Variants in DLG2 observed in about 807,000 individuals in gnomAD.
DLG2 encodes discs large MAGUK scaffold protein 2, also known as disks large homolog 2.
Under a neutral mutation model 132.5 loss-of-function variants are expected in DLG2, and 45 were observed. That is an observed-to-expected ratio of 0.34 (90% CI 0.27 to 0.44). The LOEUF (loss-of-function observed/expected upper bound fraction) is 0.44. Among genes scored for constraint, DLG2 ranks in the 20% least tolerant of loss-of-function variants. DLG2 has a pLI of 1.00. For synonymous variants in DLG2, 424 were observed against 419.6 expected, an observed-to-expected ratio of 1.01 and a Z score of -0.13; for missense variants, 1,045 against 1,196.9, an observed-to-expected ratio of 0.87 and a Z score of 1.87.
At chr11:84,407,536 G>A (rs1400996919) in intron 7 of DLG2, among the ~76,000 whole-genome samples, 1 of 152,114 alleles carries the variant, frequency 6.6e-6, no homozygotes, top group Non-Finnish European at 1.5e-5. Flanking sequence ...TTATGTTGTT[G>A]TTACTGTTTC....
At chr11:84,838,501 T>C (rs969682975) in intron 6 of DLG2, among the ~76,000 whole-genome samples, 10 of 152,000 alleles carry the variant, frequency 6.6e-5, no homozygotes, top group African/African-American at 2.2e-4. Flanking sequence ...GCTGTTGACA[T>C]TGTCAACTGC....
intron 18 of DLG2, among the ~76,000 whole-genome samples, chr11:83,770,012 C>A (rs189507659): frequency 1.6e-3 from 249 of 152,298 alleles, no homozygotes; most frequent in African/African-American, 5.7e-3. Context: ...TCTCTTAACA[C>A]TGGCAATAAC....
chr11:85,003,682 C>T (rs577868831), intron 6 of DLG2, among the ~76,000 whole-genome samples: 1 of 152,172 alleles, frequency 6.6e-6, no homozygotes, highest in Non-Finnish European at 1.5e-5. Context: ...TTGATAACTT[C>T]TAGTCCTATA....
chr11:84,740,994 T>A (rs1013109004), intron 6 of DLG2, among the ~76,000 whole-genome samples: 10 of 145,670 alleles, frequency 6.9e-5, no homozygotes, highest in African/African-American at 2.3e-4. Flanking sequence ...ATGAGAAGCA[T>A]CCCCATGGAC....
intron 11 of DLG2, among the ~76,000 whole-genome samples, chr11:84,025,815 C>G (rs954232893): frequency 3.3e-5 from 5 of 151,948 alleles, no homozygotes; most frequent in African/African-American, 4.8e-5. Flanking sequence ...CCTGCTTTTG[C>G]CAGCATTTAT....
intron 8 of DLG2, among the ~76,000 whole-genome samples, chr11:84,241,585 A>C (rs1020854302): frequency 1.3e-5 from 2 of 152,058 alleles, no homozygotes; most frequent in Non-Finnish European, 2.9e-5. Context: ...AAAGGTCCCA[A>C]GTGATTCAAA....
At chr11:83,513,506 T>C (rs952268723) in intron 21 of DLG2, among the ~76,000 whole-genome samples, 1 of 152,232 alleles carries the variant, frequency 6.6e-6, no homozygotes, top group African/African-American at 2.4e-5. Flanking sequence ...GTAGTTTCTT[T>C]TGCTGTGCAG....
At chr11:84,074,687 C>T (rs374827558) in intron 10 of DLG2, among the ~76,000 whole-genome samples, 2 of 151,970 alleles carry the variant, frequency 1.3e-5, no homozygotes, top group African/African-American at 2.4e-5. Context: ...GGCCACCACG[C>T]CCGGCTAATT....
At chr11:83,706,623 T>A (rs1306002701) in intron 18 of DLG2, among the ~76,000 whole-genome samples, 2 of 152,164 alleles carry the variant, frequency 1.3e-5, no homozygotes, top group Admixed American at 6.5e-5. Context: ...CTGAGGAGCA[T>A]ACACAATGCA....
At position 83,888,514 on chromosome 11, in the gene DLG2, T is replaced by G. The variant is rs1365990471; in HGVS notation, c.1497-14026A>C. Among the ~76,000 whole-genome samples the G allele has an allele frequency of 8.5e-5, 13 of 152,172 alleles. No homozygotes were observed. In the East Asian group the frequency reaches 9.7e-4, roughly 11 times the overall value. Reference sequence around the variant, plus strand: ...TAGGAAGAATCAATATTGTGAAAATTGCCATACTGCCCAAGGTAATTTATA... The same window carrying G: ...TAGGAAGAATCAATATTGTGAAAATGGCCATACTGCCCAAGGTAATTTATA... On this transcript the variant is annotated intron_variant, in intron 15 of 27. Coordinates refer to ENST00000376104, the MANE Select transcript of DLG2 (RefSeq NM_001142699.3).
In DLG2 at chr11:85,062,711, C is replaced by G. The variant is rs538797636; in HGVS notation, c.357+48950G>C. Among the ~76,000 whole-genome samples the G allele has an allele frequency of 4.1e-4, 62 of 151,620 alleles. 1 individual carries two copies. Among genetic ancestry groups the G allele is most frequent in the Non-Finnish European group, 8.0e-4 (54 of 67,786 alleles). On this transcript the variant is annotated intron_variant, in intron 6 of 27. Transcript: ENST00000376104. ...AATGAGTGCTTTAAAAGTTATATGT[C>G]ACTAAACTTCAGTTAGTAAACTAAC...
At chr11:83,630,559 A>G (rs536302957) in intron 19 of DLG2, among the ~76,000 whole-genome samples, 1 of 152,300 alleles carries the variant, frequency 6.6e-6, no homozygotes, top group South Asian at 2.1e-4. Context: ...CCTCAAAGAC[A>G]TTTGTGTTAG....
rs149715452 is a variant in DLG2 at position 85,598,676 on chromosome 11, G to A, written c.21C>T (p.Ser7=). 152 of 1,578,680 alleles carry A rather than the reference G, an allele frequency of 9.6e-5. No individual in the cohort carries two copies. Among genetic ancestry groups the A allele is most frequent in the Admixed American group, 3.5e-4 (19 of 54,336 alleles). The stretch of plus-strand genomic sequence containing the variant: ...ACATACCTAGCAAAGCTTGGAATAA[G>A]CTGCTCTTAAAGATACCCATCACCT... MGIFKS[S]LFQALLDIQE... The change falls in exon 3 of 28, where the codon AGC becomes AGT. Residue 7 remains serine (S), a synonymous_variant. Transcript: ENST00000376104.
chr11:84,801,827 T>C (rs2075414340), intron 6 of DLG2, among the ~76,000 whole-genome samples: 2 of 152,178 alleles, frequency 1.3e-5, no homozygotes, highest in Non-Finnish European at 2.9e-5. Context: ...AACTACTACA[T>C]TGAACATCCA....
intron 17 of DLG2, among the ~76,000 whole-genome samples, chr11:83,794,861 C>T (rs758581098): frequency 5.3e-5 from 8 of 152,212 alleles, no homozygotes; most frequent in Middle Eastern, 3.4e-3. Flanking sequence ...CGAGGGTCTA[C>T]GCCTACAAGA....
At chr11:84,870,466 C>T (rs2085304151) in intron 6 of DLG2, among the ~76,000 whole-genome samples, 1 of 152,116 alleles carries the variant, frequency 6.6e-6, no homozygotes, top group Admixed American at 6.5e-5. Flanking sequence ...GGTTCCTTTC[C>T]TCCCCGATTA....
chr11:83,593,710 C>T (rs1023171742), intron 19 of DLG2, among the ~76,000 whole-genome samples: 1 of 149,134 alleles, frequency 6.7e-6, no homozygotes, highest in Non-Finnish European at 1.5e-5. Flanking sequence ...TCATTTCTCT[C>T]TATAAAAATC....
chr11:83,742,565 C>G (rs899783924), intron 18 of DLG2, among the ~76,000 whole-genome samples: 3 of 152,142 alleles, frequency 2.0e-5, no homozygotes, highest in Non-Finnish European at 2.9e-5. Context: ...CATGGTCACT[C>G]TCCTTCTCTG....
chr11:84,047,547 C>T (rs1222555172), intron 11 of DLG2, among the ~76,000 whole-genome samples: 1 of 151,542 alleles, frequency 6.6e-6, no homozygotes, highest in Non-Finnish European at 1.5e-5. Flanking sequence ...CCTTGAGTAA[C>T]TATTCACAGC....
Sources: allele counts gnomAD v4.1 joint callset (sites outside exome capture counted in the v4.1 genomes callset), GRCh38; gene constraint gnomAD v4.1.1; transcripts MANE v1.5; gene names NCBI Gene and HGNC (gene_info 2026-07-23, HGNC 2026-07-21).